The following SLC41A3 variants were observed in gnomAD, a reference collection of about 807,000 sequenced individuals.
SLC41A3 encodes the protein SLC41A1-like 2.
SLC41A3 carries 44 observed loss-of-function variants against 45.4 expected under a neutral mutation model. The ratio of observed to expected loss-of-function variants is 0.97; its 90% CI spans 0.76 to 1.25. The LOEUF (loss-of-function observed/expected upper bound fraction) is 1.25. Among genes scored for constraint, SLC41A3 ranks in the 50% most tolerant of loss-of-function variants. SLC41A3 has a pLI of 0.00. For missense variants in SLC41A3, 550 were observed against 600.6 expected (o/e 0.92, Z 0.88); for synonymous variants, 256 against 252.4 (o/e 1.01, Z -0.13).
chr3:126,006,556 A>G lies in SLC41A3; in HGVS notation c.*460T>C. On this transcript the variant is annotated 3_prime_UTR_variant, in exon 11 of 11. Coordinates refer to ENST00000360370, the MANE Select transcript of SLC41A3 (RefSeq NM_017836.4). Reference sequence around the variant, plus strand: ...GGCACAGCAGCAGTGTGGCCCACGGAGCTTGAACCTGGTGAAGACAGCAAG... The same window carrying G: ...GGCACAGCAGCAGTGTGGCCCACGGGGCTTGAACCTGGTGAAGACAGCAAG... 1.9e-6 allele frequency: 3 copies of G among 1,599,038 alleles called. No homozygotes were observed. Among genetic ancestry groups the G allele is most frequent in the Non-Finnish European group, 2.5e-6 (3 of 1,176,596 alleles).
intron 2 of SLC41A3, among the ~76,000 whole-genome samples, chr3:126,062,756 G>A (rs563788151): frequency 6.6e-6 from 1 of 152,280 alleles, no homozygotes; most frequent in Admixed American, 6.5e-5. Context: ...AGTTCTTTTT[G>A]GGTTTTGGAA....
intron 9 of SLC41A3, 112 bp from the exon 10 acceptor site, chr3:126,008,992 C>A: frequency 7.6e-7 from 1 of 1,317,410 alleles, no homozygotes; most frequent in Non-Finnish European, 1.1e-6. Context: ...CCCAAGTGTT[C>A]ACTGGACACC....
In SLC41A3 at chr3:126,026,246, C is replaced by G; in HGVS notation, c.598+89G>C. The G allele has an allele frequency of 6.6e-7, 1 of 1,503,834 alleles. No homozygotes were observed. Among genetic ancestry groups the G allele is most frequent in the Non-Finnish European group, 8.9e-7 (1 of 1,119,508 alleles). The allele number at this position is 1,503,834 out of a possible 1,614,324, so 93.2% of individuals were successfully genotyped here. On this transcript the variant is annotated intron_variant, in intron 5 of 10. Coordinates refer to ENST00000360370, the MANE Select transcript of SLC41A3 (RefSeq NM_017836.4). The surrounding 1 kb of genome is among the most constrained non-coding windows in gnomAD (Gnocchi z 4.2). ...GTCCCATTAGCAGTGGGACTCACAC[C>G]CCCAGAAACTGAAAACACAATGAGC...
chr3:126,085,674 C>T (rs934161171), upstream of SLC41A3, among the ~76,000 whole-genome samples: 9 of 152,110 alleles, frequency 5.9e-5, no homozygotes, highest in African/African-American at 1.7e-4. Flanking sequence ...AATCTTGATT[C>T]GGCTTGTCTG....
At chr3:126,007,677 T>C (rs1939241239) in intron 10 of SLC41A3, among the ~76,000 whole-genome samples, 1 of 152,184 alleles carries the variant, frequency 6.6e-6, no homozygotes, top group Non-Finnish European at 1.5e-5. Flanking sequence ...TTGTCCAGGC[T>C]AACCCCAGCT....
At chr3:126,015,887 C>T (rs546196713) in intron 7 of SLC41A3, among the ~76,000 whole-genome samples, 15 of 152,322 alleles carry the variant, frequency 9.8e-5, no homozygotes, top group East Asian at 9.6e-4. Flanking sequence ...TCCGGCACCA[C>T]GACTGAGATG....
In SLC41A3 at chr3:126,012,743, C is replaced by A. The variant is rs1462194722; in HGVS notation, c.977G>T (p.Gly326Val). The A allele has an allele frequency of 3.7e-6, 6 of 1,614,086 alleles. No individual in the cohort carries two copies. The highest frequency in any genetic ancestry group is 5.1e-6 in the Non-Finnish European group (6 of 1,180,032). Residue 326 changes from glycine to valine, a missense_variant, in exon 9 of 11, where the codon GGT becomes GTT. Transcript: ENST00000360370. Reference protein sequence around the residue: ...AIFTPVICGVGGNLVAIQTSR... With the variant: ...AIFTPVICGVVGNLVAIQTSR... Reference sequence around the variant, plus strand: ...GGTCTGAATGGCCACCAGATTGCCACCAACACCTACGAGGAGAAAAGGAAT... The same window carrying A: ...GGTCTGAATGGCCACCAGATTGCCAACAACACCTACGAGGAGAAAAGGAAT...
chr3:126,014,192 G>A (rs533551164), intron 8 of SLC41A3, among the ~76,000 whole-genome samples: 1 of 152,220 alleles, frequency 6.6e-6, no homozygotes. Flanking sequence ...CTGTTCTAGA[G>A]GATGCAAACA....
chr3:126,029,660 C>T (rs1170907816), intron 4 of SLC41A3, among the ~76,000 whole-genome samples: 2 of 152,080 alleles, frequency 1.3e-5, no homozygotes, highest in Non-Finnish European at 2.9e-5. Context: ...AGTCAAAGTC[C>T]CAACAAGATC....
intron 1 of SLC41A3, among the ~76,000 whole-genome samples, chr3:126,089,599 T>C (rs1272651906): frequency 6.6e-6 from 1 of 152,224 alleles, no homozygotes; most frequent in Non-Finnish European, 1.5e-5. Context: ...GCTGGAATAC[T>C]AGTCAGGACA....
chr3:126,065,897 G>T (rs1944324148), intron 2 of SLC41A3, among the ~76,000 whole-genome samples: 1 of 152,100 alleles, frequency 6.6e-6, no homozygotes, highest in Admixed American at 6.6e-5. Context: ...AATATAAATA[G>T]AAATATCAAG....
intron 1 of SLC41A3, among the ~76,000 whole-genome samples, chr3:126,069,570 T>C (rs1311653737): frequency 6.6e-6 from 1 of 152,026 alleles, no homozygotes; most frequent in Non-Finnish European, 1.5e-5. Context: ...AGGTCTAGTT[T>C]TCAACAATAA....
At chr3:126,070,414 T>C (rs1944562644) in intron 1 of SLC41A3, 2 of 152,238 alleles carry the variant, frequency 1.3e-5, no homozygotes, top group African/African-American at 4.8e-5. Flanking sequence ...ATCTAATGCC[T>C]AATGAAGAGG....
intron 1 of SLC41A3, among the ~76,000 whole-genome samples, chr3:126,079,886 G>C (rs921638930): frequency 1.2e-4 from 19 of 152,210 alleles, no homozygotes; most frequent in South Asian, 8.3e-4. Flanking sequence ...ATAAGCCAAT[G>C]GACAGAAGAG....
At chr3:126,029,366 T>TCCC (rs148425749) in intron 4 of SLC41A3, among the ~76,000 whole-genome samples, 69 of 149,888 alleles carry the variant, frequency 4.6e-4, no homozygotes, top group Middle Eastern at 6.8e-3. Context: ...TATGTGGCAC[T>TCCC]CCCTCCCCCA....
chr3:126,086,674 T>C (rs182792449), upstream of SLC41A3, among the ~76,000 whole-genome samples: 439 of 152,294 alleles, frequency 2.9e-3, 3 homozygotes, highest in Non-Finnish European at 4.6e-3. Flanking sequence ...ATTTTTCACC[T>C]AAGAGTTGTT....
chr3:126,076,014 C>A (rs1944864769), intron 1 of SLC41A3, among the ~76,000 whole-genome samples: 1 of 152,084 alleles, frequency 6.6e-6, no homozygotes, highest in Non-Finnish European at 1.5e-5. Flanking sequence ...AGTTGTGTTT[C>A]AAAGAACACT....
chr3:126,054,939 G>A (rs2107920355), intron 2 of SLC41A3, among the ~76,000 whole-genome samples: 1 of 152,180 alleles, frequency 6.6e-6, no homozygotes, highest in South Asian at 2.1e-4. Context: ...TCTAATGGGG[G>A]GCTGGCCAGG....
At chr3:126,057,178 C>A in intron 2 of SLC41A3, 7 of 985,278 alleles carry the variant, frequency 7.1e-6, no homozygotes, top group Non-Finnish European at 8.4e-6. Context: ...CAGGAAGCCA[C>A]GCCCTGGGTC....
Sources: allele counts gnomAD v4.1 joint callset (sites outside exome capture counted in the v4.1 genomes callset), GRCh38; gene constraint gnomAD v4.1.1; non-coding constraint Gnocchi (gnomAD v3.1); transcripts MANE v1.5; gene names NCBI Gene and HGNC (gene_info 2026-07-23, HGNC 2026-07-21).